The following CCDC57 variants were observed in gnomAD, a reference collection of about 807,000 sequenced individuals.
CCDC57 encodes coiled-coil domain containing 57, also known as coiled-coil domain-containing protein 57.
Under a neutral mutation model 118.9 loss-of-function variants are expected in CCDC57, and 118 were observed. The observed-to-expected ratio is 0.99, with a 90% CI of 0.86 to 1.16. The LOEUF (loss-of-function observed/expected upper bound fraction) is 1.16, where lower values mean the gene tolerates loss of function less well. Among genes scored for constraint, CCDC57 ranks in the 50% most tolerant of loss-of-function variants. The pLI, the probability that CCDC57 is intolerant of heterozygous loss-of-function variation, is 0.00. For missense variants in CCDC57, 1,300 were observed against 1,320.7 expected (o/e 0.98, Z 0.24); for synonymous variants, 527 against 532.9 (o/e 0.99, Z 0.15).
intron 13 of CCDC57, among the ~76,000 whole-genome samples, chr17:82,167,122 C>T (rs528373488): frequency 2.0e-5 from 3 of 152,190 alleles, no homozygotes; most frequent in Non-Finnish European, 4.4e-5. Flanking sequence ...AGAAACAAAA[C>T]ACAGCCTCAG....
At chr17:82,180,692 G>A (rs555095072) in intron 9 of CCDC57, among the ~76,000 whole-genome samples, 3 of 152,296 alleles carry the variant, frequency 2.0e-5, no homozygotes, top group South Asian at 2.1e-4. Flanking sequence ...AGCCAGGATC[G>A]TCTCGATCTC....
chr17:82,199,135 C>A (rs1353820413), intron 3 of CCDC57, among the ~76,000 whole-genome samples: 1 of 151,938 alleles, frequency 6.6e-6, no homozygotes, highest in Non-Finnish European at 1.5e-5. Flanking sequence ...TATAAAAGCG[C>A]TTCAAGTAAT....
chr17:82,208,953 C>T (rs1042998266), intron 1 of CCDC57, among the ~76,000 whole-genome samples: 2 of 152,110 alleles, frequency 1.3e-5, no homozygotes, highest in African/African-American at 2.4e-5. Flanking sequence ...ACTGCAGCCT[C>T]GAATGCCCAT....
chr17:82,126,690 C>T (rs1040436164), intron 19 of CCDC57: 26 of 985,314 alleles, frequency 2.6e-5, no homozygotes, highest in Non-Finnish European at 2.9e-5. Context: ...ATGCTGTCCA[C>T]CACACGTGGC....
Position 82,176,847 on chromosome 17 carries a change from GTT to G in CCDC57, c.1506+1625_1506+1626del, listed in dbSNP as rs35550523. Among the ~76,000 whole-genome samples the G allele has an allele frequency of 4.6e-3, 681 of 146,664 alleles. 7 individuals are homozygous for G. Among genetic ancestry groups the G allele is most frequent in the African/African-American group, 0.015 (606 of 40,108 alleles). ...CTCACTTCCAACAGGGAAGATGAGG[GTT>G]TTTTTTTTTTTTCCTGCTTCTAGGA... On this transcript the variant is annotated intron_variant, in intron 11 of 19. Transcript: ENST00000665763.
At chr17:82,127,312 C>T (rs973370193) in intron 19 of CCDC57, 7 of 985,302 alleles carry the variant, frequency 7.1e-6, no homozygotes, top group South Asian at 4.7e-5. Flanking sequence ...GGAGCAGGGC[C>T]GTCTAAAGTG....
intron 19 of CCDC57, chr17:82,127,177 C>T (rs137980928): frequency 4.2e-4 from 417 of 985,424 alleles, no homozygotes; most frequent in Non-Finnish European, 4.7e-4. Flanking sequence ...GCAACGTCCG[C>T]GCAGCAAAGC....
intron 18 of CCDC57, 145 bp downstream of exon 17, chr17:82,128,348 G>T (rs2037789513): frequency 1.6e-6 from 1 of 632,632 alleles, no homozygotes; most frequent in South Asian, 2.0e-5. Context: ...AGCTCACCCT[G>T]CCATTGTGAG....
At chr17:82,126,536 C>T (rs904030383) in intron 19 of CCDC57, 87 of 984,726 alleles carry the variant, frequency 8.8e-5, no homozygotes, top group Non-Finnish European at 1.0e-4. Context: ...GAAGTGGCTC[C>T]TAAACACACA....
At chr17:82,105,955 C>T (rs910965848) in intron 19 of CCDC57, among the ~76,000 whole-genome samples, 4 of 152,246 alleles carry the variant, frequency 2.6e-5, no homozygotes, top group African/African-American at 9.6e-5. Flanking sequence ...GCCCCGCCTG[C>T]TGGCCTTTGG....
chr17:82,110,917 C>T (rs1480385549), intron 19 of CCDC57, among the ~76,000 whole-genome samples: 1 of 150,124 alleles, frequency 6.7e-6, no homozygotes, highest in Non-Finnish European at 1.5e-5. Flanking sequence ...CCCAGCTACT[C>T]GGGAGGCTGA....
rs2047741751 is a variant in CCDC57 at position 82,192,102 on chromosome 17, CAGCCTGCCAAGT to C, written c.851+1642_851+1653del. Among the ~76,000 whole-genome samples, 1 of 151,856 alleles carries C rather than the reference CAGCCTGCCAAGT, an allele frequency of 6.6e-6. No individual in the cohort carries two copies. The highest frequency in any genetic ancestry group is 1.5e-5 in the Non-Finnish European group (1 of 68,012). On this transcript the variant is annotated intron_variant, in intron 7 of 19. Transcript: ENST00000665763. This position sits in a 1 kb window ranked among gnomAD's most constrained non-coding sequence, Gnocchi z 4.0. ...CCAAGTTCAAGTGATTCCCCTGCCT[CAGCCTGCCAAGT>C]AGCTGGGATTACAGGCGTGCACCAC...
intron 14 of CCDC57, among the ~76,000 whole-genome samples, chr17:82,162,209 G>A (rs1456606056): frequency 6.6e-6 from 1 of 152,146 alleles, no homozygotes; most frequent in Non-Finnish European, 1.5e-5. Context: ...ATGTTGGCCA[G>A]GCTGGTCTCG....
At chr17:82,133,423 C>G (rs1365960616) in intron 17 of CCDC57, among the ~76,000 whole-genome samples, 1 of 131,160 alleles carries the variant, frequency 7.6e-6, no homozygotes, top group African/African-American at 3.0e-5. Flanking sequence ...CAGAGCCAGG[C>G]CCTGTCTCAA....
chr17:82,114,124 G>T (rs963036799), intron 19 of CCDC57, among the ~76,000 whole-genome samples: 2 of 152,170 alleles, frequency 1.3e-5, no homozygotes, highest in Non-Finnish European at 2.9e-5. Flanking sequence ...TGGAAGAGTG[G>T]ACTGTAACGT....
chr17:82,122,989 C>T (rs892235393), intron 19 of CCDC57, among the ~76,000 whole-genome samples: 1 of 152,184 alleles, frequency 6.6e-6, no homozygotes, highest in Non-Finnish European at 1.5e-5. Context: ...CTACTACCCC[C>T]CTGAGACCAC....
chr17:82,184,734 G>C (rs536105112), intron 8 of CCDC57, among the ~76,000 whole-genome samples: 4 of 152,198 alleles, frequency 2.6e-5, no homozygotes, highest in African/African-American at 9.7e-5. Flanking sequence ...CCCTTGTCAC[G>C]AGGGGTTAAA....
At chr17:82,113,712 T>G in intron 19 of CCDC57, 1 of 711,358 alleles carries the variant, frequency 1.4e-6, no homozygotes, top group Non-Finnish European at 2.6e-6. Flanking sequence ...GCGGCAGGAC[T>G]GCTTGAGCCC....
chr17:82,138,997 T>C (rs1226800746), intron 16 of CCDC57, among the ~76,000 whole-genome samples: 1 of 152,216 alleles, frequency 6.6e-6, no homozygotes, highest in Non-Finnish European at 1.5e-5. Context: ...GCTGTGTTAC[T>C]AGGCAGACGG....
Sources: allele counts gnomAD v4.1 joint callset (sites outside exome capture counted in the v4.1 genomes callset), GRCh38; gene constraint gnomAD v4.1.1; non-coding constraint Gnocchi (gnomAD v3.1); transcripts MANE v1.5; gene names NCBI Gene and HGNC (gene_info 2026-07-23, HGNC 2026-07-21).